The following AFF3 variants were observed in gnomAD, a reference collection of about 807,000 sequenced individuals.
AFF3 encodes the protein AF4/FMR2 family member 3.
AFF3 carries 32 observed loss-of-function variants against 129.7 expected under a neutral mutation model. The observed-to-expected ratio is 0.25, with a 90% CI of 0.19 to 0.33. The LOEUF is 0.33. Ranked by LOEUF, AFF3 falls within the 10% of genes least tolerant of loss-of-function variation. The pLI, the probability that AFF3 is intolerant of heterozygous loss-of-function variation, is 1.00. For synonymous variants in AFF3, 644 were observed against 635.4 expected (o/e 1.01, Z -0.20); for missense variants, 1,373 against 1,592.0 (o/e 0.86, Z 2.34).
Position 99,551,162 on chromosome 2 carries a change from G to A in AFF3, c.*312C>T, listed in dbSNP as rs1674377443. ...TTGTGTGTGAGTGTACGGTGTGTGT[G>A]TGTGTGTGTGTGTGTGTGTGTACTT... On this transcript the variant is annotated 3_prime_UTR_variant, in exon 25 of 25. Transcript: ENST00000672756. The A allele has an allele frequency of 9.9e-6, 5 of 503,952 alleles. No homozygotes were observed. The Admixed American group carries it at 1.6e-4, about 16-fold the overall frequency. The allele number at this position is 503,952 out of a possible 1,614,324, so 31.2% of individuals were successfully genotyped here. A position where few individuals can be genotyped will look rare whatever the true frequency, so the allele number is the denominator to read the frequency against.
At chr2:99,646,382 C>G (rs1684693794) in intron 13 of AFF3, among the ~76,000 whole-genome samples, 1 of 152,154 alleles carries the variant, frequency 6.6e-6, no homozygotes, top group Non-Finnish European at 1.5e-5. Context: ...TGTCCTGTCC[C>G]AGAATTATAG....
intron 7 of AFF3, among the ~76,000 whole-genome samples, chr2:99,900,091 G>A (rs1247737507): frequency 6.6e-6 from 1 of 152,180 alleles, no homozygotes; most frequent in Non-Finnish European, 1.5e-5. Context: ...GGCTTGAGAA[G>A]AATTTTAATT....
At chr2:100,007,550 A>G in intron 5 of AFF3, 90 bp from the exon 6 acceptor site, 1 of 1,227,990 alleles carries the variant, frequency 8.1e-7, no homozygotes. Flanking sequence ...TCACAGAGCC[A>G]GGGTTGTCAC....
At chr2:99,947,477 T>C (rs980291640) in intron 7 of AFF3, among the ~76,000 whole-genome samples, 7 of 106,798 alleles carry the variant, frequency 6.6e-5, no homozygotes, top group Non-Finnish European at 1.2e-4. Flanking sequence ...GAAAGACAGA[T>C]AGACAGACAG....
intron 7 of AFF3, among the ~76,000 whole-genome samples, chr2:99,934,035 G>A (rs958417668): frequency 5.3e-5 from 8 of 152,138 alleles, no homozygotes; most frequent in Admixed American, 3.3e-4. Flanking sequence ...CTCTAGGGCA[G>A]CCAGTCATTT....
At chr2:99,872,567 G>A (rs927024801) in intron 7 of AFF3, among the ~76,000 whole-genome samples, 11 of 147,492 alleles carry the variant, frequency 7.5e-5, no homozygotes, top group Non-Finnish European at 1.3e-4. Flanking sequence ...AGTTCCCAAT[G>A]AAGTCCTATG....
At chr2:100,010,390 T>G (rs1008723840) in intron 4 of AFF3, among the ~76,000 whole-genome samples, 48 of 152,264 alleles carry the variant, frequency 3.2e-4, no homozygotes, top group African/African-American at 1.1e-3. Context: ...GTGGCTGGGG[T>G]ACAGTTTAAA....
At chr2:100,007,488 A>G (rs1359458416) in intron 5 of AFF3, 28 bp from the exon 6 acceptor site, 1 of 1,584,554 alleles carries the variant, frequency 6.3e-7, no homozygotes, top group South Asian at 1.1e-5. Flanking sequence ...CATCCACGCT[A>G]TTGTTAGAGA....
At chr2:100,028,574 G>A (rs1243155261) in intron 4 of AFF3, among the ~76,000 whole-genome samples, 1 of 151,960 alleles carries the variant, frequency 6.6e-6, no homozygotes, top group Non-Finnish European at 1.5e-5. Context: ...ATATATATAT[G>A]AATATATCCA....
chr2:99,742,284 T>C lies in AFF3; in HGVS notation c.1039+1820A>G, dbSNP rs111640885. 5.3e-3 allele frequency among the ~76,000 whole-genome samples: 801 copies of C among 152,146 alleles called. 2 individuals carry two copies. The highest frequency in any genetic ancestry group is 0.019 in the African/African-American group (768 of 41,496). On this transcript the variant is annotated intron_variant, in intron 10 of 24. Coordinates refer to ENST00000672756, the MANE Select transcript of AFF3 (RefSeq NM_001386135.1). ...GCTTGAGCCCAGGAATTCAAGGTTATAGTGAGCTATAATTGTGTCACTGTA... is the reference window on the plus strand; with the variant it reads ...GCTTGAGCCCAGGAATTCAAGGTTACAGTGAGCTATAATTGTGTCACTGTA...
intron 4 of AFF3, among the ~76,000 whole-genome samples, chr2:100,093,904 T>TG (rs1283986493): frequency 6.6e-6 from 1 of 152,164 alleles, no homozygotes; most frequent in East Asian, 1.9e-4. Flanking sequence ...TGGCACACCA[T>TG]GGTAAAAACG....
At chr2:100,132,236 A>T (rs1335650595) in intron 1 of AFF3, among the ~76,000 whole-genome samples, 1 of 152,222 alleles carries the variant, frequency 6.6e-6, no homozygotes, top group East Asian at 1.9e-4. Context: ...GTAGATTCCA[A>T]GTATCCTCAC....
At chr2:100,122,235 G>A (rs958231550) in intron 2 of AFF3, among the ~76,000 whole-genome samples, 4 of 152,104 alleles carry the variant, frequency 2.6e-5, no homozygotes, top group Non-Finnish European at 4.4e-5. Flanking sequence ...TTTTATTGGT[G>A]CATTCTTTGA....
In AFF3 at chr2:99,672,185, C is replaced by T. The variant is rs867140846; in HGVS notation, c.1143+353G>A. 4.6e-4 allele frequency among the ~76,000 whole-genome samples: 9 copies of T among 19,476 alleles called. No homozygotes were observed. The African/African-American group carries it at 0.012, about 26-fold the overall frequency. 12.8% of individuals were successfully genotyped at this position (19,476 alleles called of 152,430 possible). ...AGAAGGCCAGTTAGCTTCTCACACACACACACACACACACACACACACACA... is the reference window on the plus strand; with the variant it reads ...AGAAGGCCAGTTAGCTTCTCACACATACACACACACACACACACACACACA... On this transcript the variant is annotated intron_variant, in intron 12 of 24. Coordinates refer to ENST00000672756, the MANE Select transcript of AFF3 (RefSeq NM_001386135.1).
intron 7 of AFF3, among the ~76,000 whole-genome samples, chr2:99,869,318 T>C (rs1312048490): frequency 1.3e-5 from 2 of 151,914 alleles, no homozygotes; most frequent in African/African-American, 4.8e-5. Flanking sequence ...CTGATAATAT[T>C]ACAGTACTTC....
At chr2:99,629,753 G>C (rs370239329) in intron 13 of AFF3, among the ~76,000 whole-genome samples, 1 of 152,134 alleles carries the variant, frequency 6.6e-6, no homozygotes, top group Non-Finnish European at 1.5e-5. Context: ...CCCGGTGTGC[G>C]GATGGCCATC....
chr2:99,833,804 C>A (rs998414637), intron 8 of AFF3, among the ~76,000 whole-genome samples: 9 of 152,276 alleles, frequency 5.9e-5, no homozygotes, highest in African/African-American at 2.2e-4. Context: ...CTGTTACAAA[C>A]ATATGTCAGC....
At chr2:99,987,419 C>T (rs542327462) in intron 7 of AFF3, among the ~76,000 whole-genome samples, 19 of 152,268 alleles carry the variant, frequency 1.2e-4, no homozygotes, top group Admixed American at 1.2e-3. Flanking sequence ...ATTAAGCTAA[C>T]GTTAGTTTAG....
chr2:100,085,500 C>T (rs547271405), intron 4 of AFF3, among the ~76,000 whole-genome samples: 1 of 150,580 alleles, frequency 6.6e-6, no homozygotes, highest in African/African-American at 2.4e-5. Context: ...AAACCACTCT[C>T]AGCCTGTTAC....
Sources: allele counts gnomAD v4.1 joint callset (sites outside exome capture counted in the v4.1 genomes callset), GRCh38; gene constraint gnomAD v4.1.1; transcripts MANE v1.5; gene names NCBI Gene and HGNC (gene_info 2026-07-23, HGNC 2026-07-21).